Variants in SYCP2L observed in about 807,000 individuals in gnomAD.
The protein encoded by SYCP2L is synaptonemal complex protein 2 like.
SYCP2L carries 98 observed loss-of-function variants against 125.8 expected under a neutral mutation model. The ratio of observed to expected loss-of-function variants is 0.78; its 90% CI spans 0.66 to 0.92. The LOEUF (loss-of-function observed/expected upper bound fraction) is 0.92, where lower values mean the gene tolerates loss of function less well. Among genes scored for constraint, SYCP2L ranks in the 40% least tolerant of loss-of-function variants. The pLI, the probability that SYCP2L is intolerant of heterozygous loss-of-function variation, is 0.00. For missense variants in SYCP2L, 842 were observed against 936.4 expected (o/e 0.90, Z 1.32); for synonymous variants, 317 against 325.4 (o/e 0.97, Z 0.28).
intron 14 of SYCP2L, among the ~76,000 whole-genome samples, chr6:10,918,147 G>A (rs1292492948): frequency 1.3e-5 from 2 of 149,210 alleles, no homozygotes; most frequent in East Asian, 2.0e-4. Context: ...GCAGTGAGCC[G>A]AGATCGCGCC....
Position 10,907,623 on chromosome 6 carries a change from G to A in SYCP2L, c.758G>A (p.Trp253Ter), listed in dbSNP as rs753844359. ...TCAAGGGATGAACTTGTCCATAAAT[G>A]GTTTGATGATGAAGTCATTGCTGAA... ...KKSRDELVHK[W>*]FDDEVIAEAF... Residue 253 changes from tryptophan (W) to a stop codon, truncating the protein, a stop_gained, in exon 10 of 30, where the codon TGG (tryptophan) becomes TAG (stop). Transcript: ENST00000283141. LOFTEE classifies it high-confidence loss of function. The A allele has an allele frequency of 1.2e-6, 2 of 1,613,848 alleles. No individual in the cohort carries two copies. The highest frequency in any genetic ancestry group is 1.7e-5 in the Admixed American group (1 of 59,992).
chr6:10,911,190 G>A (rs1214825036), intron 12 of SYCP2L, among the ~76,000 whole-genome samples: 1 of 152,094 alleles, frequency 6.6e-6, no homozygotes, highest in Admixed American at 6.6e-5. Flanking sequence ...CTAGACTGGG[G>A]TAAAAAGGAT....
rs576494739 is a variant in SYCP2L at position 10,971,837 on chromosome 6, G to C, written c.*38-2115G>C. 1.3e-4 allele frequency among the ~76,000 whole-genome samples: 20 copies of C among 151,846 alleles called. No homozygotes were observed. The South Asian group carries it at 4.0e-3, about 30-fold the overall frequency. ...TTACAGGTGCCTCCCACCACACCCGGCTAATTTTTTATATTTTTAGTAGAC... is the reference window on the plus strand; with the variant it reads ...TTACAGGTGCCTCCCACCACACCCGCCTAATTTTTTATATTTTTAGTAGAC... On this transcript the variant is annotated intron_variant, in intron 29 of 29. Coordinates refer to ENST00000283141, the MANE Select transcript of SYCP2L (RefSeq NM_001040274.3).
chr6:10,896,249 G>A (rs1223624112), intron 4 of SYCP2L, among the ~76,000 whole-genome samples: 2 of 152,194 alleles, frequency 1.3e-5, no homozygotes, highest in Non-Finnish European at 2.9e-5. Flanking sequence ...AGAAGTCATG[G>A]CTGTTGTGTC....
intron 1 of SYCP2L, among the ~76,000 whole-genome samples, chr6:10,887,628 A>G (rs1285767426): frequency 1.3e-5 from 2 of 152,204 alleles, no homozygotes; most frequent in Non-Finnish European, 2.9e-5. Context: ...GCCAAAAACA[A>G]CAAACAAAAA....
chr6:10,919,049 C>T (rs1268054498), intron 14 of SYCP2L, among the ~76,000 whole-genome samples: 2 of 152,208 alleles, frequency 1.3e-5, no homozygotes, highest in Non-Finnish European at 2.9e-5. Context: ...AGCTTAATAA[C>T]TAACCTCCTG....
Position 10,930,362 on chromosome 6 carries a change from G to T in SYCP2L, c.1489-8G>T, listed in dbSNP as rs771964620. On this transcript the variant is annotated splice_polypyrimidine_tract_variant and splice_region_variant and intron_variant, in intron 18 of 29. Coordinates refer to ENST00000283141, the MANE Select transcript of SYCP2L (RefSeq NM_001040274.3). ...CTAAAAATTCTCATTTATGATCTGT[G>T]CTTGTAGAAGTCTCATTACAGAAAA... 2 of 1,610,028 alleles carry T rather than the reference G, an allele frequency of 1.2e-6. No individual in the cohort carries two copies. The highest frequency in any genetic ancestry group is 2.2e-5 in the East Asian group (1 of 44,728).
Position 10,906,049 on chromosome 6 carries a change from T to C in SYCP2L, c.671T>C (p.Val224Ala), listed in dbSNP as rs1780483283. ...GACCTTGCAAGGACACTCTTGACTG[T>C]GGGTGGTAAGAAATTTTAGAATTTT... ...MKDLARTLLTVGDYDQQVAIS... is the reference protein window; with the variant it reads ...MKDLARTLLTAGDYDQQVAIS... Residue 224 changes from valine to alanine, a missense_variant, in exon 9 of 30, where the codon GTG becomes GCG. Val to Ala is a moderately conservative substitution (Grantham distance 64). Coordinates refer to ENST00000283141, the MANE Select transcript of SYCP2L (RefSeq NM_001040274.3). The C allele has an allele frequency of 6.3e-7, 1 of 1,596,476 alleles. No individual in the cohort carries two copies. Among genetic ancestry groups the C allele is most frequent in the Non-Finnish European group, 8.6e-7 (1 of 1,165,764 alleles).
chr6:10,955,772 A>G (rs1781494314), intron 24 of SYCP2L, among the ~76,000 whole-genome samples: 1 of 152,160 alleles, frequency 6.6e-6, no homozygotes, highest in Non-Finnish European at 1.5e-5. Context: ...TTTTTGTGAG[A>G]CTTAATTGAT....
At position 10,919,831 on chromosome 6, in the gene SYCP2L, C is replaced by T. The variant is rs543603219; in HGVS notation, c.1073-4665C>T. Among the ~76,000 whole-genome samples the T allele has an allele frequency of 6.6e-5, 10 of 152,156 alleles. No homozygotes were observed. In the South Asian group the frequency reaches 2.1e-3, roughly 32 times the overall value. On this transcript the variant is annotated intron_variant, in intron 14 of 29. Transcript: ENST00000283141. ...AGGATTATGGCTGTCTCTGCTGAGT[C>T]ATGCAGGTTGTCAGGGAAATGGGGA... is the stretch of plus-strand genomic sequence containing the variant.
chr6:10,924,723 T>C (rs1390066763), intron 15 of SYCP2L, 82 bp downstream of exon 15: 1 of 1,231,482 alleles, frequency 8.1e-7, no homozygotes, highest in East Asian at 3.0e-5. Flanking sequence ...TGGGTTTTGA[T>C]GTGAATATTT....
At position 10,891,537 on chromosome 6, in the gene SYCP2L, A is replaced by G. The variant is rs750876809; in HGVS notation, c.34A>G (p.Ile12Val). Residue 12 changes from isoleucine to valine, a missense_variant, in exon 2 of 30, where the codon ATT (isoleucine) becomes GTT (valine). Coordinates refer to ENST00000283141, the MANE Select transcript of SYCP2L (RefSeq NM_001040274.3). ...QAKNKDALQP[I>V]KEDRTGKAQD... ...GAAAAACAAAGATGCTTTGCAGCCT[A>G]TTAAGGAAGACAGGACTGGGAAGGC... The G allele has an allele frequency of 5.0e-6, 8 of 1,602,754 alleles. No homozygotes were observed. In the Admixed American group the frequency reaches 1.2e-4, roughly 24 times the overall value.
chr6:10,963,327 C>G (rs891998296), intron 28 of SYCP2L: 1 of 165,062 alleles, frequency 6.1e-6, no homozygotes, highest in African/African-American at 2.4e-5. Context: ...GTGCCTGGCC[C>G]TGGGCTGAGT....
chr6:10,938,361 C>T (rs1446525856), intron 21 of SYCP2L, among the ~76,000 whole-genome samples: 1 of 152,174 alleles, frequency 6.6e-6, no homozygotes, highest in Non-Finnish European at 1.5e-5. Context: ...ATTTAACATC[C>T]TTTCATAATG....
At chr6:10,951,143 A>G (rs7756910) in intron 23 of SYCP2L, among the ~76,000 whole-genome samples, 147,403 of 152,188 alleles carry the variant, frequency 0.97, 71,520 homozygotes, top group East Asian at 1. Flanking sequence ...AACATTTAAG[A>G]CTGGGCATGG....
In SYCP2L at chr6:10,927,715, G is replaced by A. The variant is rs375705315; in HGVS notation, c.1440+348G>A. On this transcript the variant is annotated intron_variant, in intron 17 of 29. Coordinates refer to ENST00000283141, the MANE Select transcript of SYCP2L (RefSeq NM_001040274.3). ...ATTGTCATCAATAACATCGTATCAG[G>A]AGACAGGGTTTGAGAGCAACCGGTC... 4.5e-3 allele frequency among the ~76,000 whole-genome samples: 685 copies of A among 152,286 alleles called. 5 individuals are homozygous for A. The highest frequency in any genetic ancestry group is 0.016 in the African/African-American group (651 of 41,554).
intron 4 of SYCP2L, 118 bp from the exon 5 acceptor site, chr6:10,897,893 A>C: frequency 1.4e-6 from 1 of 699,970 alleles, no homozygotes; most frequent in Non-Finnish European, 2.5e-6. Flanking sequence ...TTGAAATGGA[A>C]TGGAATGGGA....
At chr6:10,961,680 T>G in intron 28 of SYCP2L, 122 bp downstream of exon 28, 1 of 954,058 alleles carries the variant, frequency 1.0e-6, no homozygotes, top group Non-Finnish European at 1.6e-6. Flanking sequence ...CTGCATCTTT[T>G]GAACCGGCCA....
At chr6:10,923,369 T>C (rs1441418326) in intron 14 of SYCP2L, among the ~76,000 whole-genome samples, 3 of 147,860 alleles carry the variant, frequency 2.0e-5, no homozygotes, top group Non-Finnish European at 4.4e-5. Flanking sequence ...GGCTATTGTC[T>C]GAAACACACA....
Sources: allele counts gnomAD v4.1 joint callset (sites outside exome capture counted in the v4.1 genomes callset), GRCh38; gene constraint gnomAD v4.1.1; transcripts MANE v1.5; gene names NCBI Gene and HGNC (gene_info 2026-07-23, HGNC 2026-07-21).